The following TMEM132B variants were observed in gnomAD, a reference collection of about 807,000 sequenced individuals.
TMEM132B encodes transmembrane protein 132B.
TMEM132B carries 18 observed loss-of-function variants against 90.8 expected under a neutral mutation model. The ratio of observed to expected loss-of-function variants is 0.20; its 90% CI spans 0.14 to 0.29. The LOEUF is 0.29. Ranked by LOEUF, TMEM132B falls within the 10% of genes least tolerant of loss-of-function variation. The probability of loss-of-function intolerance (pLI) is 1.00; values close to 1 mark genes in which losing one functional copy is unlikely to be tolerated. For missense variants in TMEM132B, 1,096 were observed against 1,326.8 expected, an observed-to-expected ratio of 0.83 and a Z score of 2.70; for synonymous variants, 504 against 523.3, an observed-to-expected ratio of 0.96 and a Z score of 0.50.
At chr12:125,557,973 T>G (rs1365981517) in intron 4 of TMEM132B, among the ~76,000 whole-genome samples, 2 of 152,232 alleles carry the variant, frequency 1.3e-5, no homozygotes, top group East Asian at 3.9e-4. Flanking sequence ...GTGAGTAGCT[T>G]ATGGGGCAGA....
intron 2 of TMEM132B, among the ~76,000 whole-genome samples, chr12:125,371,797 G>T (rs1878299057): frequency 6.6e-6 from 1 of 152,190 alleles, no homozygotes; most frequent in Non-Finnish European, 1.5e-5. Flanking sequence ...GATGCAAGCT[G>T]CACTTTGTGA....
At chr12:125,363,505 G>A (rs569804033) in intron 2 of TMEM132B, among the ~76,000 whole-genome samples, 1 of 152,302 alleles carries the variant, frequency 6.6e-6, no homozygotes, top group African/African-American at 2.4e-5. Context: ...ATGAGATAGA[G>A]CTGGCAGTTT....
intron 4 of TMEM132B, among the ~76,000 whole-genome samples, chr12:125,552,823 C>T (rs1021871593): frequency 3.9e-5 from 6 of 152,232 alleles, no homozygotes; most frequent in Admixed American, 3.3e-4. Flanking sequence ...GATGAAGCCA[C>T]TCTGCAATGC....
chr12:125,406,679 C>T lies in TMEM132B; in HGVS notation c.960-8852C>T, dbSNP rs1593126907. ...GCACGCTTCCTTCTCCAACCCCCGC[C>T]CATGGCAGACAGTGAAAGACTTGAC... On this transcript the variant is annotated intron_variant, in intron 2 of 8. Coordinates refer to ENST00000682704, the MANE Select transcript of TMEM132B (RefSeq NM_001366854.1). The surrounding 1 kb of genome is among the most constrained non-coding windows in gnomAD (Gnocchi z 8.3). Among the ~76,000 whole-genome samples, 1 of 152,106 alleles carries T rather than the reference C, an allele frequency of 6.6e-6. No individual in the cohort carries two copies. The highest frequency in any genetic ancestry group is 2.4e-5 in the African/African-American group (1 of 41,422).
At chr12:125,236,102 C>T (rs753953023) in intron 1 of TMEM132B, among the ~76,000 whole-genome samples, 9 of 151,942 alleles carry the variant, frequency 5.9e-5, no homozygotes, top group East Asian at 3.9e-4. Flanking sequence ...TGTGCCGGAC[C>T]AGCACTTCAT....
At chr12:125,513,800 AT>A (rs967067782) in intron 3 of TMEM132B, among the ~76,000 whole-genome samples, 4 of 152,078 alleles carry the variant, frequency 2.6e-5, no homozygotes, top group African/African-American at 7.2e-5. Flanking sequence ...TTTAAATTGT[AT>A]TTTTTTAATT....
intron 1 of TMEM132B, among the ~76,000 whole-genome samples, chr12:125,306,776 T>C (rs888972205): frequency 6.6e-6 from 1 of 152,264 alleles, no homozygotes; most frequent in South Asian, 2.1e-4. Context: ...AATTGCACCA[T>C]GTTCTTCCTC....
intron 3 of TMEM132B, among the ~76,000 whole-genome samples, chr12:125,422,635 C>T (rs1024400834): frequency 6.6e-6 from 1 of 152,192 alleles, no homozygotes; most frequent in African/African-American, 2.4e-5. Flanking sequence ...ATGAGATCAT[C>T]CTGGATTAGC....
chr12:125,296,134 A>G (rs1337619123), intron 1 of TMEM132B, among the ~76,000 whole-genome samples: 1 of 152,114 alleles, frequency 6.6e-6, no homozygotes, highest in Non-Finnish European at 1.5e-5. Context: ...ATCCATAAGC[A>G]CACCTTATCT....
chr12:125,452,934 T>G (rs1168466535), intron 3 of TMEM132B, among the ~76,000 whole-genome samples: 1 of 152,216 alleles, frequency 6.6e-6, no homozygotes, highest in African/African-American at 2.4e-5. Context: ...ATGGAGTCTT[T>G]TGCCTTACGT....
rs1438189601 is a variant in TMEM132B at position 125,351,649 on chromosome 12, G to A, written c.959+1306G>A. On this transcript the variant is annotated intron_variant, in intron 2 of 8. Transcript: ENST00000682704. Reference sequence around the variant, plus strand: ...TAGGGAAGAGGCAGCTGCAGAAAGCGGCTATCATCCCTCCAGCTGGGAGAA... The same window carrying A: ...TAGGGAAGAGGCAGCTGCAGAAAGCAGCTATCATCCCTCCAGCTGGGAGAA... 3.3e-5 allele frequency among the ~76,000 whole-genome samples: 5 copies of A among 152,278 alleles called. 1 individual carries two copies. The highest frequency in any genetic ancestry group is 4.2e-4 in the South Asian group (2 of 4,818).
Position 125,556,907 on chromosome 12 carries a change from A to C in TMEM132B, c.1294-26944A>C, listed in dbSNP as rs562129647. On this transcript the variant is annotated intron_variant, in intron 4 of 8. Coordinates refer to ENST00000682704, the MANE Select transcript of TMEM132B (RefSeq NM_001366854.1). ...GTAGCTGGGACTACAGGCGCCCGCC[A>C]CCATGCCTGGCTAATTTTTTGTATT... Among the ~76,000 whole-genome samples the C allele has an allele frequency of 9.2e-5, 14 of 152,212 alleles. No homozygotes were observed. The East Asian group carries it at 2.7e-3, about 30-fold the overall frequency.
At chr12:125,489,077 A>T (rs1374788789) in intron 3 of TMEM132B, among the ~76,000 whole-genome samples, 1 of 152,240 alleles carries the variant, frequency 6.6e-6, no homozygotes, top group Non-Finnish European at 1.5e-5. Flanking sequence ...TTTTTCCCTA[A>T]AGCAATACAT....
intron 2 of TMEM132B, among the ~76,000 whole-genome samples, chr12:125,378,817 C>G (rs1424111849): frequency 6.6e-6 from 1 of 152,192 alleles, no homozygotes; most frequent in Non-Finnish European, 1.5e-5. Flanking sequence ...TTGACAATGG[C>G]CAAAGAGCAG....
chr12:125,479,532 T>C (rs1881984222), intron 3 of TMEM132B, among the ~76,000 whole-genome samples: 1 of 151,968 alleles, frequency 6.6e-6, no homozygotes, highest in Non-Finnish European at 1.5e-5. Flanking sequence ...TACATAATGG[T>C]AAAGGGAACA....
At chr12:125,282,997 G>C (rs1875242160) in intron 1 of TMEM132B, among the ~76,000 whole-genome samples, 1 of 152,158 alleles carries the variant, frequency 6.6e-6, no homozygotes, top group African/African-American at 2.4e-5. Flanking sequence ...GCAGGAGAAA[G>C]CGGGTATTCT....
rs530498611 is a variant in TMEM132B at position 125,362,866 on chromosome 12, G to A, written c.959+12523G>A. Reference sequence around the variant, plus strand: ...ACCCCCTTCCAGTCCTGATTGCTTCGAAGGGGTAACCAACCCATTTACAGT... The same window carrying A: ...ACCCCCTTCCAGTCCTGATTGCTTCAAAGGGGTAACCAACCCATTTACAGT... On this transcript the variant is annotated intron_variant, in intron 2 of 8. Coordinates refer to ENST00000682704, the MANE Select transcript of TMEM132B (RefSeq NM_001366854.1). Among the ~76,000 whole-genome samples, 6 of 152,298 alleles carry A rather than the reference G, an allele frequency of 3.9e-5. No individual in the cohort carries two copies. In the South Asian group the frequency reaches 8.3e-4, roughly 21 times the overall value.
At position 125,654,825 on chromosome 12, in the gene TMEM132B, G is replaced by A; in HGVS notation, c.*115G>A. ...ACAAAGTTTGATTTGTGGAGGTCTGGTGGGATTCATTTCTAAGCAGGTAAA... is the reference window on the plus strand; with the variant it reads ...ACAAAGTTTGATTTGTGGAGGTCTGATGGGATTCATTTCTAAGCAGGTAAA... On this transcript the variant is annotated 3_prime_UTR_variant, in exon 9 of 9. Coordinates refer to ENST00000682704, the MANE Select transcript of TMEM132B (RefSeq NM_001366854.1). The surrounding 1 kb of genome is among the most constrained non-coding windows in gnomAD (Gnocchi z 5.8). 1 of 1,247,966 alleles carries A rather than the reference G, an allele frequency of 8.0e-7. No individual in the cohort carries two copies. Among genetic ancestry groups the A allele is most frequent in the Non-Finnish European group, 1.1e-6 (1 of 906,050 alleles). 77.3% of individuals were successfully genotyped at this position (1,247,966 alleles called of 1,614,324 possible).
chr12:125,446,567 A>G (rs1284066469), intron 3 of TMEM132B, among the ~76,000 whole-genome samples: 1 of 152,084 alleles, frequency 6.6e-6, no homozygotes, highest in Admixed American at 6.6e-5. Flanking sequence ...CTTTTTTCTC[A>G]TTTGTATAGA....
Sources: allele counts gnomAD v4.1 joint callset (sites outside exome capture counted in the v4.1 genomes callset), GRCh38; gene constraint gnomAD v4.1.1; non-coding constraint Gnocchi (gnomAD v3.1); transcripts MANE v1.5; gene names NCBI Gene and HGNC (gene_info 2026-07-23, HGNC 2026-07-21).